ALS2: variants seen among roughly 807,000 people sequenced by gnomAD.
The protein encoded by ALS2 is alsin Rho guanine nucleotide exchange factor ALS2.
Under a neutral mutation model 203.4 loss-of-function variants are expected in ALS2, and 117 were observed. The ratio of observed to expected loss-of-function variants is 0.58; its 90% CI spans 0.50 to 0.67. ALS2 has a LOEUF of 0.67. ALS2 is among the 30% of genes least tolerant of loss of function. The pLI is 0.00. For synonymous variants in ALS2, 718 were observed against 725.9 expected, an observed-to-expected ratio of 0.99 and a Z score of 0.17; for missense variants, 1,715 against 1,989.4, an observed-to-expected ratio of 0.86 and a Z score of 2.62.
At chr2:201,723,569 A>AC in intron 21 of ALS2, 128 bp from the exon 22 acceptor site, 1 of 784,046 alleles carries the variant, frequency 1.3e-6, no homozygotes, top group Non-Finnish European at 2.2e-6. Context: ...TCTAGTTAAA[A>AC]TAGTTAACTT....
intron 3 of ALS2, among the ~76,000 whole-genome samples, chr2:201,764,234 T>A (rs1304927581): frequency 6.6e-6 from 1 of 152,202 alleles, no homozygotes; most frequent in Non-Finnish European, 1.5e-5. Flanking sequence ...GCTCACCAAG[T>A]CTTTCAATTA....
chr2:201,735,309 T>C (rs1691808035), intron 12 of ALS2, among the ~76,000 whole-genome samples: 1 of 152,186 alleles, frequency 6.6e-6, no homozygotes, highest in Non-Finnish European at 1.5e-5. Flanking sequence ...GCGAATGTAT[T>C]TGATGCCCCC....
Position 201,715,789 on chromosome 2 carries a change from A to T in ALS2, c.3887T>A (p.Val1296Glu). ...CAGTTGGCGCCAACATTCGTCAAAC[A>T]CCGCTTTCCACTTCTCATCAGCTGG... ...AVPADEKWKA[V>E]FDECWRQLGC... Residue 1296 changes from valine to glutamate, a missense_variant, in exon 25 of 34, where the codon GTG (valine) becomes GAG (glutamate). By Grantham distance (121) the Val-to-Glu change is moderately radical (BLOSUM62 -2). Transcript: ENST00000264276. 6.2e-7 allele frequency: 1 copy of T among 1,614,162 alleles called. No homozygotes were observed. Among genetic ancestry groups the T allele is most frequent in the Non-Finnish European group, 8.5e-7 (1 of 1,180,032 alleles).
At chr2:201,757,894 A>C (rs1251980972) in intron 4 of ALS2, 135 bp from the exon 5 acceptor site, 1 of 672,558 alleles carries the variant, frequency 1.5e-6, no homozygotes, top group African/African-American at 1.8e-5. Context: ...CTTCATCTTC[A>C]ACTAAAGGTA....
chr2:201,709,571 T>TA (rs1163647463), intron 27 of ALS2, among the ~76,000 whole-genome samples: 4 of 152,230 alleles, frequency 2.6e-5, no homozygotes, highest in African/African-American at 9.6e-5. Context: ...GGGTTTTAGA[T>TA]ACATGATTTT....
In ALS2 at chr2:201,705,459, T is replaced by C; in HGVS notation, c.4583A>G (p.Lys1528Arg). The change falls in exon 30 of 34, where the codon AAA (lysine) becomes AGA (arginine). Residue 1528 changes from lysine to arginine, a missense_variant and splice_region_variant. Physicochemically the swap from Lys to Arg is conservative, Grantham distance 26 (BLOSUM62 2). This residue lies in a region of ALS2 where 1,227 missense variants were observed against 1,413.5 expected (regional missense o/e 0.87). Transcript: ENST00000264276. ...GATTGACAAGGTTGCTGGCCAAAAT[T>C]TCCTATAATGGAATCCATAAATTAT... ...ALLGFLGVQR[K>R]FWPATLSILG... The C allele has an allele frequency of 6.2e-7, 1 of 1,611,618 alleles. No individual in the cohort carries two copies. Among genetic ancestry groups the C allele is most frequent in the Non-Finnish European group, 8.5e-7 (1 of 1,177,844 alleles).
In ALS2 at chr2:201,724,463, T is replaced by C; in HGVS notation, c.3348-4A>G. The C allele has an allele frequency of 6.2e-7, 1 of 1,613,952 alleles. No individual in the cohort carries two copies. Among genetic ancestry groups the C allele is most frequent in the East Asian group, 2.2e-5 (1 of 44,860 alleles). ...AAATACTTCACCAGAAGCATAGCTG[T>C]GGTTGGAAAGAATGGATAATTATCA... On this transcript the variant is annotated splice_region_variant and splice_polypyrimidine_tract_variant and intron_variant, in intron 20 of 33. Coordinates refer to ENST00000264276, the MANE Select transcript of ALS2 (RefSeq NM_020919.4).
chr2:201,755,586 C>A (rs1488722296), intron 5 of ALS2, among the ~76,000 whole-genome samples: 1 of 152,038 alleles, frequency 6.6e-6, no homozygotes, highest in African/African-American at 2.4e-5. Flanking sequence ...ACACAAAAAG[C>A]CTTTCTAAGT....
chr2:201,731,724 G>C (rs2106019711), intron 13 of ALS2, among the ~76,000 whole-genome samples: 1 of 152,228 alleles, frequency 6.6e-6, no homozygotes, highest in East Asian at 1.9e-4. Flanking sequence ...TTTTGAAAAA[G>C]CTTCCACAGT....
At chr2:201,718,814 C>G (rs1690574580) in intron 23 of ALS2, among the ~76,000 whole-genome samples, 1 of 151,974 alleles carries the variant, frequency 6.6e-6, no homozygotes, top group Admixed American at 6.6e-5. Context: ...ACAAGCAGTG[C>G]TTAGAGGGAA....
intron 7 of ALS2, among the ~76,000 whole-genome samples, chr2:201,751,135 G>A (rs1027892025): frequency 1.3e-5 from 2 of 152,098 alleles, no homozygotes; most frequent in Non-Finnish European, 2.9e-5. Context: ...TTACAGGCAT[G>A]AGCCACCACA....
At position 201,735,660 on chromosome 2, in the gene ALS2, T is replaced by C. The variant is rs566938811; in HGVS notation, c.2418-2222A>G. ...CTATGTAAAACCCAGGCTCTGGGCATGGTGCTGTGCAAAAGGCAAGAGGCT... is the reference window on the plus strand; with the variant it reads ...CTATGTAAAACCCAGGCTCTGGGCACGGTGCTGTGCAAAAGGCAAGAGGCT... On this transcript the variant is annotated intron_variant, in intron 12 of 33. Transcript: ENST00000264276. Among the ~76,000 whole-genome samples the C allele has an allele frequency of 5.2e-5, 8 of 152,388 alleles. No individual in the cohort carries two copies. In the East Asian group the frequency reaches 1.5e-3, roughly 29 times the overall value.
At chr2:201,767,866 TAAAAAA>T (rs35608860) in intron 2 of ALS2, among the ~76,000 whole-genome samples, 1 of 112,100 alleles carries the variant, frequency 8.9e-6, no homozygotes, top group Non-Finnish European at 1.8e-5. Context: ...AGACTCTGTC[TAAAAAA>T]AAAAAAAAAA....
Position 201,704,047 on chromosome 2 carries a change from T to C in ALS2, c.4935+75A>G. The C allele has an allele frequency of 5.3e-6, 7 of 1,325,924 alleles. No individual in the cohort carries two copies. In the Admixed American group the frequency reaches 7.5e-5, roughly 14 times the overall value. 82.1% of individuals were successfully genotyped at this position (1,325,924 alleles called of 1,614,324 possible). Reference sequence around the variant, plus strand: ...TTAAACTTTTATACAAAAAAAGTGGTTAATGGCATTTATAATATGGTAAAT... The same window carrying C: ...TTAAACTTTTATACAAAAAAAGTGGCTAATGGCATTTATAATATGGTAAAT... On this transcript the variant is annotated intron_variant, in intron 33 of 33. Coordinates refer to ENST00000264276, the MANE Select transcript of ALS2 (RefSeq NM_020919.4).
Position 201,757,427 on chromosome 2 carries a change from G to C in ALS2, c.1446C>G (p.Leu482=). 1 of 1,614,060 alleles carries C rather than the reference G, an allele frequency of 6.2e-7. No homozygotes were observed. Among genetic ancestry groups the C allele is most frequent in the Non-Finnish European group, 8.5e-7 (1 of 1,179,928 alleles). ...EEETEGGSRR[L]SLPGLLSQVS... ...CTTGTGACAACAATCCAGGGAGGGA[G>C]AGTCTTCGACTGCCTCCCTCTGTTT... The change falls in exon 5 of 34, where the codon CTC becomes CTG. Residue 482 remains leucine (L), a synonymous_variant. Transcript: ENST00000264276.
chr2:201,731,144 T>C (rs7599991), intron 13 of ALS2, among the ~76,000 whole-genome samples: 69,192 of 151,886 alleles, frequency 0.46, 16,591 homozygotes, highest in East Asian at 0.64. Context: ...CTTTACTTGC[T>C]ACAATTCTGA....
At chr2:201,768,712 A>G (rs1178755572) in intron 2 of ALS2, among the ~76,000 whole-genome samples, 154 bp downstream of exon 2, 2 of 152,206 alleles carry the variant, frequency 1.3e-5, no homozygotes, top group African/African-American at 4.8e-5. Context: ...GCCTTTTTAA[A>G]ATTTTATCTT....
chr2:201,707,788 C>A lies in ALS2; in HGVS notation c.4403+81G>T. 4 of 1,553,052 alleles carry A rather than the reference C, an allele frequency of 2.6e-6. 1 individual carries two copies. In the South Asian group the frequency reaches 4.5e-5, roughly 17 times the overall value. ...AATGAGGAAATAGATCTAGAGAACA[C>A]ACTTTCTCGCTGGGACTCTTTGAGT... On this transcript the variant is annotated intron_variant, in intron 28 of 33. Coordinates refer to ENST00000264276, the MANE Select transcript of ALS2 (RefSeq NM_020919.4).
chr2:201,774,461 C>A (rs1325226448), intron 1 of ALS2, among the ~76,000 whole-genome samples: 1 of 152,160 alleles, frequency 6.6e-6, no homozygotes, highest in African/African-American at 2.4e-5. Context: ...TAGTCTGTTT[C>A]TTTATTTTAT....
Sources: allele counts gnomAD v4.1 joint callset (sites outside exome capture counted in the v4.1 genomes callset), GRCh38; gene constraint gnomAD v4.1.1; regional missense constraint gnomAD v4.1.1; transcripts MANE v1.5; gene names NCBI Gene and HGNC (gene_info 2026-07-23, HGNC 2026-07-21).